Variants in SON observed in about 807,000 individuals in gnomAD.
The protein encoded by SON is SON DNA and RNA binding protein, also known as protein SON.
A neutral mutation model predicts 173.3 loss-of-function variants in SON; 4 were observed. The ratio of observed to expected loss-of-function variants is 0.02; its 90% CI spans 0.01 to 0.05. The LOEUF (loss-of-function observed/expected upper bound fraction) is 0.05. SON is among the 10% of genes least tolerant of loss of function. SON has a pLI of 1.00. For synonymous variants in SON, 1,190 were observed against 1,105.9 expected (o/e 1.08, Z -1.51); for missense variants, 2,626 against 3,055.3 (o/e 0.86, Z 3.31).
In SON at chr21:33,555,301, T is replaced by A. The variant is rs562045383; in HGVS notation, c.6070T>A (p.Leu2024Ile). The change falls in exon 3 of 12, where the codon TTA becomes ATA. Residue 2024 changes from leucine (L) to isoleucine (I), a missense_variant. This residue lies in a region of SON where 138 missense variants were observed against 222.9 expected (regional missense o/e 0.62). Transcript: ENST00000356577. ...PVRLRRSRTPLRRRFSRSPIR... is the reference protein window; with the variant it reads ...PVRLRRSRTPIRRRFSRSPIR... ...CAGATTAAGGCGATCAAGAACACCC[T>A]TAAGAAGAAGGTTTAGCAGATCTCC... 2.5e-6 allele frequency: 4 copies of A among 1,610,664 alleles called. No individual in the cohort carries two copies. Among genetic ancestry groups the A allele is most frequent in the Non-Finnish European group, 3.4e-6 (4 of 1,178,656 alleles).
At chr21:33,560,617 T>G (rs926961420) in intron 6 of SON, 1 of 945,186 alleles carries the variant, frequency 1.1e-6, no homozygotes, top group African/African-American at 1.8e-5. Flanking sequence ...TATGTATCTC[T>G]GTATCTGTAC....
In SON at chr21:33,559,454, TTTA is replaced by T; in HGVS notation, c.6468+82_6468+84del. 2 of 1,494,786 alleles carry T rather than the reference TTTA, an allele frequency of 1.3e-6. No homozygotes were observed. The highest frequency in any genetic ancestry group is 1.8e-6 in the Non-Finnish European group (2 of 1,109,248). 92.6% of individuals were successfully genotyped at this position (1,494,786 alleles called of 1,614,324 possible). A position where few individuals can be genotyped will look rare whatever the true frequency, so the allele number is the denominator to read the frequency against. On this transcript the variant is annotated intron_variant, in intron 5 of 11. Coordinates refer to ENST00000356577, the MANE Select transcript of SON (RefSeq NM_138927.4). This position sits in a 1 kb window ranked among gnomAD's most constrained non-coding sequence, Gnocchi z 4.1. ...TAAATAAAACCCAAATCGAATTTAGTTTATTAATTTTTGTTTTAAATACTGTGA... is the reference window on the plus strand; with the variant it reads ...TAAATAAAACCCAAATCGAATTTAGTTTAATTTTTGTTTTAAATACTGTGA...
rs763843570 is a variant in SON at position 33,549,651 on chromosome 21, G to A, written c.420G>A (p.Thr140=). Residue 140 remains threonine, a synonymous_variant, in exon 3 of 12, where the codon ACG becomes ACA. Transcript: ENST00000356577. ...KRQPEESESK[T]KSHDDGNIDL... is the part of the protein sequence containing the mutation. ...AGCCAGAAGAATCTGAGTCAAAGAC[G>A]AAATCTCATGATGATGGGAACATAG... is the stretch of plus-strand genomic sequence containing the variant. 2.5e-6 allele frequency: 4 copies of A among 1,610,220 alleles called. No individual in the cohort carries two copies. The highest frequency in any genetic ancestry group is 4.5e-5 in the East Asian group (2 of 44,870).
rs533372905 is a variant in SON, at chr21:33,544,030, T to C, written c.77+861T>C. 3.9e-5 allele frequency among the ~76,000 whole-genome samples: 6 copies of C among 152,346 alleles called. No individual in the cohort carries two copies. The East Asian group carries it at 1.2e-3, about 29-fold the overall frequency. On this transcript the variant is annotated intron_variant, in intron 1 of 11. Coordinates refer to ENST00000356577, the MANE Select transcript of SON (RefSeq NM_138927.4). Reference sequence around the variant, plus strand: ...CATGTTCAGCGGTTGTCTCTCGATATTTGCTTTTGTATAAGATACTCATTT... The same window carrying C: ...CATGTTCAGCGGTTGTCTCTCGATACTTGCTTTTGTATAAGATACTCATTT...
Position 33,559,491 on chromosome 21 carries a change from G to T in SON, c.6469-96G>T. ...TGTTTTAAATACTGTGAGAAATAAT[G>T]GATAATATCATTTCCTTCAGATTAT... On this transcript the variant is annotated intron_variant, in intron 5 of 11. Coordinates refer to ENST00000356577, the MANE Select transcript of SON (RefSeq NM_138927.4). The surrounding 1 kb of genome is among the most constrained non-coding windows in gnomAD (Gnocchi z 4.1). The T allele has an allele frequency of 6.9e-7, 1 of 1,455,156 alleles. No individual in the cohort carries two copies. The allele number at this position is 1,455,156 out of a possible 1,614,324, so 90.1% of individuals were successfully genotyped here. A position where few individuals can be genotyped will look rare whatever the true frequency, so the allele number is the denominator to read the frequency against.
In SON at chr21:33,550,390, C is replaced by T; in HGVS notation, c.1159C>T (p.Pro387Ser). The T allele has an allele frequency of 6.2e-7, 1 of 1,614,030 alleles. No individual in the cohort carries two copies. The highest frequency in any genetic ancestry group is 1.3e-5 in the African/African-American group (1 of 75,024). Residue 387 changes from proline (P) to serine (S), a missense_variant, in exon 3 of 12, where the codon CCT becomes TCT. Pro to Ser is a moderately conservative substitution (Grantham distance 74, BLOSUM62 -1). Transcript: ENST00000356577. ...CTCAGCGATGGAGTTGCCGGGGCCA[C>T]CTGCGACCTCCATGCCGGAGTTGCA... ...VASAMELPGP[P>S]ATSMPELQGP...
At chr21:33,558,094 T>C (rs944573921) in intron 4 of SON, 2 of 156,610 alleles carry the variant, frequency 1.3e-5, no homozygotes, top group Non-Finnish European at 2.8e-5. Flanking sequence ...GTCAATATAT[T>C]CTGTTCCCCT....
chr21:33,569,250 C>A (rs1200234457), intron 8 of SON, 163 bp downstream of exon 8: 12 of 549,040 alleles, frequency 2.2e-5, no homozygotes, highest in African/African-American at 3.9e-5. Flanking sequence ...GGACTGGATT[C>A]ATGAGAAAAT....
chr21:33,557,636 TC>T, intron 4 of SON: 1 of 1,543,492 alleles, frequency 6.5e-7, no homozygotes, highest in Non-Finnish European at 8.8e-7. Flanking sequence ...GCCTACAGTT[TC>T]GTTTCCATTC....
intron 1 of SON, chr21:33,543,512 C>T (rs2085518531): frequency 3.6e-6 from 1 of 280,480 alleles, no homozygotes; most frequent in African/African-American, 2.3e-5. Flanking sequence ...TCCTCAGCTC[C>T]TCCTCCGCCG....
intron 6 of SON, among the ~76,000 whole-genome samples, chr21:33,565,365 C>CTT (rs1356881174): frequency 6.6e-6 from 1 of 152,112 alleles, no homozygotes; most frequent in African/African-American, 2.4e-5. Flanking sequence ...CACCCTAACA[C>CTT]TTAGATTTAT....
chr21:33,547,337 GT>G (rs1485673781), intron 2 of SON, among the ~76,000 whole-genome samples: 1 of 152,122 alleles, frequency 6.6e-6, no homozygotes, highest in Non-Finnish European at 1.5e-5. Context: ...AAACAGTTGT[GT>G]AAAAATACCC....
chr21:33,549,124 G>T (rs1429014122), intron 2 of SON, among the ~76,000 whole-genome samples: 1 of 151,362 alleles, frequency 6.6e-6, no homozygotes, highest in Non-Finnish European at 1.5e-5. Context: ...TGTTGCCTAG[G>T]CTGGAGTACA....
At chr21:33,547,700 G>A (rs980318689) in intron 2 of SON, among the ~76,000 whole-genome samples, 1 of 127,496 alleles carries the variant, frequency 7.8e-6, no homozygotes, top group Non-Finnish European at 1.7e-5. Context: ...ATTTTCTTCT[G>A]TAGTCTTTTT....
Position 33,554,970 on chromosome 21 carries a change from T to A in SON, c.5739T>A (p.Asp1913Glu), listed in dbSNP as rs1418827449. The A allele has an allele frequency of 6.2e-7, 1 of 1,613,692 alleles. No individual in the cohort carries two copies. The highest frequency in any genetic ancestry group is 1.3e-5 in the African/African-American group (1 of 74,888). ...AAAGAAAAAGATCAAGCTCCAGGGA[T>A]AACCGAAAGACAGTTAGAGCTCGAA... is the stretch of plus-strand genomic sequence containing the variant. The part of the protein sequence containing the change: ...ERKRKRSSSR[D>E]NRKTVRARSR... Residue 1913 changes from aspartate (D) to glutamate (E), a missense_variant, in exon 3 of 12, where the codon GAT becomes GAA. This residue lies in a region of SON where 1,006 missense variants were observed against 895.6 expected (regional missense o/e 1.12). Transcript: ENST00000356577.
In SON at chr21:33,554,450, A is replaced by T; in HGVS notation, c.5219A>T (p.Lys1740Met). 1 of 1,614,192 alleles carries T rather than the reference A, an allele frequency of 6.2e-7. No individual in the cohort carries two copies. Among genetic ancestry groups the T allele is most frequent in the South Asian group, 1.1e-5 (1 of 91,078 alleles). The change falls in exon 3 of 12, where the codon AAG becomes ATG. Residue 1740 changes from lysine (K) to methionine (M), a missense_variant. Coordinates refer to ENST00000356577, the MANE Select transcript of SON (RefSeq NM_138927.4). ...EADLVRPLLP[K>M]DMERLTSLRA... ...GATTTAGTGAGACCGTTACTTCCTA[A>T]GGACATGGAACGTCTTACAAGCCTT...
chr21:33,552,520 T>C lies in SON; in HGVS notation c.3289T>C (p.Ser1097Pro). 1 of 1,614,046 alleles carries C rather than the reference T, an allele frequency of 6.2e-7. No homozygotes were observed. Among genetic ancestry groups the C allele is most frequent in the Non-Finnish European group, 8.5e-7 (1 of 1,179,992 alleles). ...GADRSMMSSY[S>P]AADRSMMSSY... Reference sequence around the variant, plus strand: ...TGACCGGTCTATGATGTCGTCATACTCTGCTGCTGACCGGTCTATGATGTC... The same window carrying C: ...TGACCGGTCTATGATGTCGTCATACCCTGCTGCTGACCGGTCTATGATGTC... Residue 1097 changes from serine to proline, a missense_variant, in exon 3 of 12, where the codon TCT becomes CCT. Physicochemically the swap from Ser to Pro is moderately conservative, Grantham distance 74 (BLOSUM62 -1). Coordinates refer to ENST00000356577, the MANE Select transcript of SON (RefSeq NM_138927.4). This position sits in a 1 kb window ranked among gnomAD's most constrained non-coding sequence, Gnocchi z 5.6.
Position 33,559,997 on chromosome 21 carries a change from A to G in SON, c.6657+222A>G, listed in dbSNP as rs200817272. On this transcript the variant is annotated intron_variant, in intron 6 of 11. Coordinates refer to ENST00000356577, the MANE Select transcript of SON (RefSeq NM_138927.4). This position sits in a 1 kb window ranked among gnomAD's most constrained non-coding sequence, Gnocchi z 4.1. ...CAAGCCACAAAGTGAAAAGCATCGA[A>G]TTGCAGAGAACAGTGTTATCACATC... 65 of 1,614,242 alleles carry G rather than the reference A, an allele frequency of 4.0e-5. No individual in the cohort carries two copies. The highest frequency in any genetic ancestry group is 5.5e-5 in the Non-Finnish European group (65 of 1,180,036).
intron 8 of SON, chr21:33,572,740 T>C: frequency 4.0e-6 from 2 of 496,352 alleles, no homozygotes; most frequent in Non-Finnish European, 7.0e-6. Flanking sequence ...GTGATTGTTT[T>C]CTATTTGTTA....
Sources: gnomAD v4.1 joint callset for allele counts (sites outside exome capture counted in the v4.1 genomes callset) on GRCh38, gnomAD v4.1.1 for gene constraint, gnomAD v4.1.1 regional missense constraint, Gnocchi (gnomAD v3.1) non-coding constraint, MANE v1.5 for transcripts, NCBI Gene and HGNC (gene_info 2026-07-23, HGNC 2026-07-21) for gene names.